USH2A: variants seen among roughly 807,000 people sequenced by gnomAD.
USH2A encodes usherin, also known as Usher syndrome 2A (autosomal recessive, mild).
USH2A carries 443 observed loss-of-function variants against 538.9 expected under a neutral mutation model. The observed-to-expected ratio is 0.82, with a 90% CI of 0.76 to 0.89. The LOEUF (loss-of-function observed/expected upper bound fraction) is 0.89, where lower values mean the gene tolerates loss of function less well. Among genes scored for constraint, USH2A ranks in the 40% least tolerant of loss-of-function variants. The pLI, the probability that USH2A is intolerant of heterozygous loss-of-function variation, is 0.00. For missense variants in USH2A, 6,633 were observed against 6,324.8 expected (o/e 1.05, Z -1.65); for synonymous variants, 2,413 against 2,273.5 (o/e 1.06, Z -1.75).
intron 47 of USH2A, 105 bp from the exon 48 acceptor site, chr1:215,817,300 T>C (rs1662886716): frequency 1.7e-5 from 9 of 543,816 alleles, no homozygotes; most frequent in Non-Finnish European, 2.8e-6. Context: ...TATATATATA[T>C]AATTATATAT....
intron 49 of USH2A, among the ~76,000 whole-genome samples, chr1:215,803,660 C>T (rs1376166716): frequency 1.3e-5 from 2 of 152,092 alleles, no homozygotes; most frequent in African/African-American, 4.8e-5. Flanking sequence ...AAGAACATTC[C>T]ATGCTCATGG....
chr1:215,760,826 A>C (rs1053408256), intron 56 of USH2A, among the ~76,000 whole-genome samples: 1 of 152,140 alleles, frequency 6.6e-6, no homozygotes, highest in Non-Finnish European at 1.5e-5. Context: ...TCTCTCTCTC[A>C]TAAACTCCTG....
At chr1:216,409,353 G>A (rs139126331) in intron 3 of USH2A, among the ~76,000 whole-genome samples, 3 of 151,992 alleles carry the variant, frequency 2.0e-5, no homozygotes, top group East Asian at 3.9e-4. Flanking sequence ...AACAAACAAC[G>A]ACATTCTTGG....
At chr1:215,677,089 A>G (rs57077680) in intron 62 of USH2A, among the ~76,000 whole-genome samples, 1,747 of 152,232 alleles carry the variant, frequency 0.011, 42 homozygotes, top group African/African-American at 0.038. Context: ...TGACATAACC[A>G]CATCGTTCAC....
chr1:215,681,500 T>C (rs2102673011), intron 61 of USH2A, among the ~76,000 whole-genome samples: 1 of 152,330 alleles, frequency 6.6e-6, no homozygotes, highest in African/African-American at 2.4e-5. Context: ...TCAATTGTCT[T>C]CTTTCCTTGA....
At chr1:215,838,830 C>A (rs1209552050) in intron 46 of USH2A, among the ~76,000 whole-genome samples, 1 of 152,162 alleles carries the variant, frequency 6.6e-6, no homozygotes, top group Non-Finnish European at 1.5e-5. Flanking sequence ...AAAGCGATAT[C>A]ATTCTGCTCT....
chr1:216,337,909 A>G (rs1326998218), intron 4 of USH2A, among the ~76,000 whole-genome samples: 3 of 151,316 alleles, frequency 2.0e-5, no homozygotes, highest in African/African-American at 7.2e-5. Flanking sequence ...TACTATTTAC[A>G]ATAGCACCAA....
chr1:215,783,458 A>G (rs1661705807), intron 52 of USH2A, among the ~76,000 whole-genome samples: 1 of 152,192 alleles, frequency 6.6e-6, no homozygotes. Context: ...ATGAAAGCAT[A>G]CTCTGCTATC....
chr1:216,091,916 G>T (rs2032310585), intron 22 of USH2A, among the ~76,000 whole-genome samples: 1 of 152,084 alleles, frequency 6.6e-6, no homozygotes, highest in African/African-American at 2.4e-5. Context: ...ACAAGGCTGG[G>T]CATGGTGTCT....
intron 4 of USH2A, among the ~76,000 whole-genome samples, chr1:216,340,030 A>C (rs2038046464): frequency 6.6e-6 from 1 of 152,028 alleles, no homozygotes; most frequent in Non-Finnish European, 1.5e-5. Context: ...CCCTTCAAAA[A>C]ATCAATGAAT....
chr1:215,987,803 A>T (rs546695182), intron 35 of USH2A, among the ~76,000 whole-genome samples: 62 of 152,320 alleles, frequency 4.1e-4, no homozygotes, highest in Middle Eastern at 6.8e-3. Context: ...CGTTCCACTG[A>T]ACTGCAAGGA....
chr1:215,968,407 T>A (rs1263135454), intron 36 of USH2A, among the ~76,000 whole-genome samples: 1 of 152,062 alleles, frequency 6.6e-6, no homozygotes, highest in Non-Finnish European at 1.5e-5. Flanking sequence ...GGCAACTCCT[T>A]CTGAACCATA....
At chr1:215,891,450 C>T (rs908145749) in intron 40 of USH2A, among the ~76,000 whole-genome samples, 1 of 152,170 alleles carries the variant, frequency 6.6e-6, no homozygotes, top group African/African-American at 2.4e-5. Context: ...GCCGAATCAT[C>T]TAATTCTATA....
At chr1:215,908,776 T>C (rs1012184568) in intron 38 of USH2A, among the ~76,000 whole-genome samples, 1 of 151,776 alleles carries the variant, frequency 6.6e-6, no homozygotes, top group African/African-American at 2.4e-5. Flanking sequence ...AAAGCTGACA[T>C]TGATGGATAC....
At chr1:215,751,167 T>C (rs913766341) in intron 58 of USH2A, among the ~76,000 whole-genome samples, 1 of 152,146 alleles carries the variant, frequency 6.6e-6, no homozygotes, top group African/African-American at 2.4e-5. Flanking sequence ...AGCTGATGAG[T>C]TAACTGAATG....
chr1:216,054,630 T>A (rs1039379533), intron 30 of USH2A, among the ~76,000 whole-genome samples: 4 of 152,176 alleles, frequency 2.6e-5, no homozygotes, highest in Admixed American at 1.3e-4. Flanking sequence ...ACTCCGTTTC[T>A]ACTTACATAC....
chr1:215,803,013 C>G (rs1052762037), intron 49 of USH2A, among the ~76,000 whole-genome samples: 1 of 152,158 alleles, frequency 6.6e-6, no homozygotes, highest in Non-Finnish European at 1.5e-5. Flanking sequence ...AGCATATAAA[C>G]AGAACCAGCG....
intron 14 of USH2A, among the ~76,000 whole-genome samples, chr1:216,226,837 C>T (rs2102512177): frequency 6.6e-6 from 1 of 152,278 alleles, no homozygotes; most frequent in South Asian, 2.1e-4. Flanking sequence ...AATACGTAGT[C>T]TTCCTTGTCA....
At chr1:215,704,049 C>T (rs2102692226) in intron 61 of USH2A, among the ~76,000 whole-genome samples, 1 of 152,330 alleles carries the variant, frequency 6.6e-6, no homozygotes, top group East Asian at 1.9e-4. Flanking sequence ...TCCCTCAAGG[C>T]TTCCTTTGGC....
Sources: allele counts gnomAD v4.1 joint callset (sites outside exome capture counted in the v4.1 genomes callset), GRCh38; gene constraint gnomAD v4.1.1; transcripts MANE v1.5; gene names NCBI Gene and HGNC (gene_info 2026-07-23, HGNC 2026-07-21).